The following LIMD1 variants were observed in gnomAD, a reference collection of about 807,000 sequenced individuals.
LIMD1 encodes the protein LIM domain containing 1.
In LIMD1, 23 loss-of-function variants were observed where a neutral mutation model predicts 58.4. The ratio of observed to expected loss-of-function variants is 0.39; its 90% CI spans 0.28 to 0.56. The LOEUF is 0.56. Among genes scored for constraint, LIMD1 ranks in the 20% least tolerant of loss-of-function variants. The pLI is 0.57. For missense variants in LIMD1, 838 were observed against 855.5 expected (o/e 0.98, Z 0.25); for synonymous variants, 334 against 345.5 (o/e 0.97, Z 0.37).
chr3:45,595,642 A>C lies in LIMD1; in HGVS notation c.763A>C (p.Ser255Arg), dbSNP rs146312682. 1,831 of 1,614,158 alleles carry C rather than the reference A, an allele frequency of 1.1e-3. 2 individuals are homozygous for C. The highest frequency in any genetic ancestry group is 1.4e-3 in the Non-Finnish European group (1,687 of 1,180,036). Residue 255 changes from serine to arginine, a missense_variant, in exon 1 of 8, where the codon AGC becomes CGC. Physicochemically the swap from Ser to Arg is moderately radical, Grantham distance 110. Transcript: ENST00000273317. ...GGQNSGIGGR[S>R]SEKPTGLWST... is the part of the protein sequence containing the mutation. ...TCAGAATAGTGGCATTGGTGGCCGC[A>C]GCAGCGAGAAGCCAACAGGCCTTTG...
intron 1 of LIMD1, among the ~76,000 whole-genome samples, chr3:45,605,604 A>G (rs116641116): frequency 0.011 from 1,650 of 152,326 alleles, 8 homozygotes; most frequent in Middle Eastern, 0.024. Flanking sequence ...CTAAAGGCCA[A>G]TTTGCTTGGA....
chr3:45,620,113 C>G (rs1256704190), intron 1 of LIMD1, among the ~76,000 whole-genome samples: 5 of 152,084 alleles, frequency 3.3e-5, no homozygotes, highest in Non-Finnish European at 7.3e-5. Flanking sequence ...TTGCACTACT[C>G]AGCCTGCATG....
chr3:45,601,964 A>C (rs1701418012), intron 1 of LIMD1, among the ~76,000 whole-genome samples: 1 of 144,076 alleles, frequency 6.9e-6, no homozygotes, highest in African/African-American at 2.7e-5. Flanking sequence ...TTTTTTTGAG[A>C]CAGAGTCTCG....
intron 2 of LIMD1, among the ~76,000 whole-genome samples, chr3:45,638,163 GA>G (rs1363746734): frequency 2.1e-5 from 1 of 47,012 alleles, no homozygotes; most frequent in Non-Finnish European, 4.0e-5. Context: ...ATGGTTCTTT[GA>G]ATTCTCCCCA....
chr3:45,647,463 G>A (rs919572942), intron 2 of LIMD1, among the ~76,000 whole-genome samples: 1 of 152,186 alleles, frequency 6.6e-6, no homozygotes, highest in Non-Finnish European at 1.5e-5. Context: ...CTGGGGGTCC[G>A]GCAAATCCAA....
intron 2 of LIMD1, among the ~76,000 whole-genome samples, chr3:45,640,767 T>A (rs1398031222): frequency 3.9e-5 from 6 of 152,240 alleles, no homozygotes; most frequent in African/African-American, 9.6e-5. Flanking sequence ...AACCTCATTC[T>A]CTGTGGATCT....
chr3:45,627,998 AC>A (rs1701682770), intron 1 of LIMD1, among the ~76,000 whole-genome samples: 1 of 104,126 alleles, frequency 9.6e-6, no homozygotes, highest in Non-Finnish European at 1.8e-5. Context: ...ACAGAGTGAG[AC>A]CCCATCTCAA....
chr3:45,628,282 A>C (rs889061019), intron 1 of LIMD1, among the ~76,000 whole-genome samples: 5 of 152,194 alleles, frequency 3.3e-5, no homozygotes, highest in Non-Finnish European at 7.3e-5. Context: ...AATATCTGAT[A>C]AAGAACTTGT....
intron 1 of LIMD1, among the ~76,000 whole-genome samples, chr3:45,624,739 A>C (rs1701654244): frequency 6.8e-6 from 1 of 147,572 alleles, no homozygotes; most frequent in African/African-American, 2.5e-5. Flanking sequence ...AAAACAAAAC[A>C]AAAAAAAACT....
chr3:45,673,725 G>T, intron 6 of LIMD1: 1 of 581,712 alleles, frequency 1.7e-6, no homozygotes, highest in Non-Finnish European at 3.1e-6. Context: ...AACAGCCTGG[G>T]CAACATAGCA....
At chr3:45,660,930 G>A (rs1246760425) in intron 2 of LIMD1, among the ~76,000 whole-genome samples, 2 of 152,172 alleles carry the variant, frequency 1.3e-5, no homozygotes, top group Non-Finnish European at 2.9e-5. Flanking sequence ...GCTGTCAAGG[G>A]GGTTCTGATG....
intron 1 of LIMD1, chr3:45,632,409 C>T (rs1701743810): frequency 4.7e-6 from 2 of 429,206 alleles, no homozygotes; most frequent in Non-Finnish European, 6.2e-6. Flanking sequence ...GAACCCATTT[C>T]TCTGTGTTTA....
intron 1 of LIMD1, among the ~76,000 whole-genome samples, chr3:45,597,913 T>C (rs1701373604): frequency 1.3e-5 from 2 of 152,240 alleles, no homozygotes; most frequent in Admixed American, 1.3e-4. Context: ...TCTCACCCCA[T>C]ACTCAGCAGG....
At chr3:45,635,310 C>T (rs1701774984) in intron 1 of LIMD1, among the ~76,000 whole-genome samples, 1 of 151,990 alleles carries the variant, frequency 6.6e-6, no homozygotes, top group Admixed American at 6.6e-5. Flanking sequence ...GAACTCCTGG[C>T]CTCAAACAGT....
At chr3:45,601,291 T>C (rs1467688517) in intron 1 of LIMD1, among the ~76,000 whole-genome samples, 1 of 152,088 alleles carries the variant, frequency 6.6e-6, no homozygotes, top group Non-Finnish European at 1.5e-5. Flanking sequence ...TCCTTTAGGG[T>C]CATCCTAGTT....
In LIMD1 at chr3:45,626,169, G is replaced by T. The variant is rs143843019; in HGVS notation, c.1409-9981G>T. Among the ~76,000 whole-genome samples, 380 of 152,258 alleles carry T rather than the reference G, an allele frequency of 2.5e-3. 5 individuals are homozygous for T. The highest frequency in any genetic ancestry group is 0.017 in the Admixed American group (254 of 15,292). On this transcript the variant is annotated intron_variant, in intron 1 of 7. Coordinates refer to ENST00000273317, the MANE Select transcript of LIMD1 (RefSeq NM_014240.3). ...AAAAGAATCTTGTATAGCCATTTTG[G>T]AAAACAGTTTGGCAGCTTCTTATAA...
At chr3:45,601,974 G>A (rs1163124700) in intron 1 of LIMD1, among the ~76,000 whole-genome samples, 3 of 146,780 alleles carry the variant, frequency 2.0e-5, no homozygotes, top group Admixed American at 6.8e-5. Context: ...ACAGAGTCTC[G>A]CTCTGTCGCC....
chr3:45,686,046 T>C lies in LIMD1; in HGVS notation c.*8987T>C, dbSNP rs1006468506. ...TAACTGATAAGATACTGTGGCAAGC[T>C]ATATCCGCAATTCCCAGGAATTCGT... is the stretch of plus-strand genomic sequence containing the variant. On this transcript the variant is annotated 3_prime_UTR_variant, in exon 8 of 8. Coordinates refer to ENST00000273317, the MANE Select transcript of LIMD1 (RefSeq NM_014240.3). The C allele has an allele frequency of 6.6e-6, 1 of 152,180 alleles. No homozygotes were observed. Among genetic ancestry groups the C allele is most frequent in the Non-Finnish European group, 1.5e-5 (1 of 68,032 alleles). 9.4% of individuals were successfully genotyped at this position (152,180 alleles called of 1,614,324 possible). A position where few individuals can be genotyped will look rare whatever the true frequency, so the allele number is the denominator to read the frequency against.
In LIMD1 at chr3:45,650,116, A is replaced by G. The variant is rs565004207; in HGVS notation, c.1510+13865A>G. ...TCCTCCCCATCCACTAGGGACTCCA[A>G]TTACTCCAATCTTAGGCATCTTGAA... On this transcript the variant is annotated intron_variant, in intron 2 of 7. Coordinates refer to ENST00000273317, the MANE Select transcript of LIMD1 (RefSeq NM_014240.3). 1.4e-4 allele frequency among the ~76,000 whole-genome samples: 22 copies of G among 152,048 alleles called. No homozygotes were observed. In the South Asian group the frequency reaches 1.9e-3, roughly 13 times the overall value.
Sources: allele counts gnomAD v4.1 joint callset (sites outside exome capture counted in the v4.1 genomes callset), GRCh38; gene constraint gnomAD v4.1.1; transcripts MANE v1.5; gene names NCBI Gene and HGNC (gene_info 2026-07-23, HGNC 2026-07-21).